The following NFS1 variants were observed in gnomAD, a reference collection of about 807,000 sequenced individuals.
NFS1 encodes the protein cysteine desulfurase.
A neutral mutation model predicts 57.3 loss-of-function variants in NFS1; 26 were observed. That is an observed-to-expected ratio of 0.45 (90% confidence interval 0.33 to 0.63). The LOEUF (loss-of-function observed/expected upper bound fraction) is 0.63, where lower values mean the gene tolerates loss of function less well. NFS1 is among the 20% of genes least tolerant of loss of function. The probability of loss-of-function intolerance (pLI) is 0.02; values close to 1 mark genes in which losing one functional copy is unlikely to be tolerated. For missense variants in NFS1, 505 were observed against 605.8 expected (o/e 0.83, Z 1.75); for synonymous variants, 209 against 216.3 (o/e 0.97, Z 0.30).
At chr20:35,672,007 G>A (rs1247491561) in intron 12 of NFS1, among the ~76,000 whole-genome samples, 1 of 152,122 alleles carries the variant, frequency 6.6e-6, no homozygotes, top group Non-Finnish European at 1.5e-5. Context: ...CACCCAGGCT[G>A]GAGTGCAGTG....
At chr20:35,673,545 G>T in intron 11 of NFS1, 56 bp downstream of exon 11, 1 of 1,442,030 alleles carries the variant, frequency 6.9e-7, no homozygotes, top group South Asian at 1.2e-5. Context: ...ACTGTAACAG[G>T]AGATGAAAAA....
At chr20:35,698,792 G>A in intron 1 of NFS1, 2 of 1,392,080 alleles carry the variant, frequency 1.4e-6, no homozygotes, top group Non-Finnish European at 1.9e-6. Flanking sequence ...AGGGTTCCTG[G>A]AGGGGGTGTT....
intron 4 of NFS1, chr20:35,692,189 A>T: frequency 4.2e-6 from 1 of 237,360 alleles, no homozygotes; most frequent in Non-Finnish European, 8.2e-6. Flanking sequence ...TCTGTCTCAA[A>T]AAATAAATAA....
chr20:35,668,899 C>T lies in NFS1; in HGVS notation c.*723G>A, dbSNP rs940869683. On this transcript the variant is annotated 3_prime_UTR_variant, in exon 13 of 13. Transcript: ENST00000374092. ...CATTTATGCAAATCAGATGGAGTGG[C>T]GGTCTTCTCCACAATTCCCAAGTAC... 2.0e-5 allele frequency: 3 copies of T among 152,164 alleles called. No individual in the cohort carries two copies. Among genetic ancestry groups the T allele is most frequent in the Non-Finnish European group, 2.9e-5 (2 of 68,030 alleles). 9.4% of individuals were successfully genotyped at this position (152,164 alleles called of 1,614,324 possible).
rs191378377 is a variant in NFS1, at chr20:35,669,782, C to A, written c.1311-97G>T. ...TGAGCAATGGCTTGCCTCCTTCTGT[C>A]CCTGTCTGTCCTCTGCCTCTTGCCC... On this transcript the variant is annotated intron_variant, in intron 12 of 12. Coordinates refer to ENST00000374092, the MANE Select transcript of NFS1 (RefSeq NM_021100.5). 1.9e-4 allele frequency: 206 copies of A among 1,103,046 alleles called. No individual in the cohort carries two copies. In the Middle Eastern group the frequency reaches 3.7e-3, roughly 20 times the overall value. The allele number at this position is 1,103,046 out of a possible 1,614,324, so 68.3% of individuals were successfully genotyped here.
chr20:35,699,041 C>T lies in NFS1; in HGVS notation c.97+151G>A, dbSNP rs918321338. On this transcript the variant is annotated intron_variant, in intron 1 of 12. Coordinates refer to ENST00000374092, the MANE Select transcript of NFS1 (RefSeq NM_021100.5). This position sits in a 1 kb window ranked among gnomAD's most constrained non-coding sequence, Gnocchi z 4.4. ...GCGCCGGGGTCAACCGTTCGGGGAC[C>T]CGCCTAAGAAAGTTTGAGGGATGTG... 3.8e-6 allele frequency: 5 copies of T among 1,319,402 alleles called. No individual in the cohort carries two copies. In the African/African-American group the frequency reaches 6.2e-5, roughly 16 times the overall value. 81.7% of individuals were successfully genotyped at this position (1,319,402 alleles called of 1,614,324 possible).
intron 12 of NFS1, among the ~76,000 whole-genome samples, chr20:35,670,370 A>G (rs929296055): frequency 6.6e-6 from 1 of 152,226 alleles, no homozygotes; most frequent in Non-Finnish European, 1.5e-5. Context: ...TCGATCCCCA[A>G]GCAGAAGCTT....
chr20:35,674,316 C>G, intron 10 of NFS1, 34 bp downstream of exon 10: 1 of 1,578,622 alleles, frequency 6.3e-7, no homozygotes, highest in Non-Finnish European at 8.7e-7. Context: ...CTAAGTGGCC[C>G]TGCCGCAGGC....
intron 12 of NFS1, 92 bp from the exon 13 acceptor site, chr20:35,669,777 T>G (rs1368475023): frequency 9.1e-7 from 1 of 1,097,020 alleles, no homozygotes; most frequent in Non-Finnish European, 1.4e-6. Context: ...CTTGCCTCCT[T>G]CTGTCCCTGT....
intron 7 of NFS1, among the ~76,000 whole-genome samples, chr20:35,679,317 G>A (rs538000029): frequency 2.0e-5 from 3 of 152,206 alleles, no homozygotes; most frequent in African/African-American, 7.2e-5. Flanking sequence ...CTGAGTAGCT[G>A]GGATTAAAGG....
At chr20:35,670,146 G>C (rs1246199660) in intron 12 of NFS1, among the ~76,000 whole-genome samples, 1 of 152,098 alleles carries the variant, frequency 6.6e-6, no homozygotes, top group East Asian at 1.9e-4. Flanking sequence ...TTTGTTTCTT[G>C]GTTTTGTTCT....
Position 35,692,391 on chromosome 20 carries a change from T to A in NFS1, c.409-1826A>T, listed in dbSNP as rs544213848. ...TCCATCTCAAAATAAATAAATAAAT[T>A]AATTAATTAAAAAAAAAAAAGGGGG... is the stretch of plus-strand genomic sequence containing the variant. On this transcript the variant is annotated intron_variant, in intron 4 of 12. Coordinates refer to ENST00000374092, the MANE Select transcript of NFS1 (RefSeq NM_021100.5). The A allele has an allele frequency of 3.2e-4, 58 of 181,810 alleles. No homozygotes were observed. The East Asian group carries it at 3.2e-3, about 10-fold the overall frequency. 11.3% of individuals were successfully genotyped at this position (181,810 alleles called of 1,614,324 possible). A position where few individuals can be genotyped will look rare whatever the true frequency, so the allele number is the denominator to read the frequency against.
intron 11 of NFS1, 78 bp downstream of exon 11, chr20:35,673,523 A>T: frequency 1.5e-6 from 2 of 1,317,140 alleles, no homozygotes; most frequent in Middle Eastern, 1.9e-4. Context: ...TTCAGGGTGG[A>T]AAAAGAAAAA....
At chr20:35,687,212 C>T (rs1336610951) in intron 5 of NFS1, among the ~76,000 whole-genome samples, 1 of 152,176 alleles carries the variant, frequency 6.6e-6, no homozygotes, top group Non-Finnish European at 1.5e-5. Context: ...TTGTGGAGGG[C>T]CTGACATCAG....
intron 4 of NFS1, among the ~76,000 whole-genome samples, chr20:35,693,692 G>A (rs115635618): frequency 9.2e-5 from 14 of 151,962 alleles, no homozygotes; most frequent in African/African-American, 2.7e-4. Context: ...GGCCGGGCGC[G>A]GTGGTTCACA....
In NFS1 at chr20:35,675,148, T is replaced by C; in HGVS notation, c.845A>G (p.Gln282Arg). The C allele has an allele frequency of 6.2e-7, 1 of 1,613,806 alleles. No individual in the cohort carries two copies. Among genetic ancestry groups the C allele is most frequent in the South Asian group, 1.1e-5 (1 of 91,080 alleles). Residue 282 changes from glutamine to arginine, a missense_variant, in exon 8 of 13, where the codon CAG becomes CGG. Coordinates refer to ENST00000374092, the MANE Select transcript of NFS1 (RefSeq NM_021100.5). ...ACCCCGCTCCTGCCCCCCTCCACTC[T>C]GCAGGGCCTCCACACGCACACGGGG... is the stretch of plus-strand genomic sequence containing the variant. ...RRPRVRVEAL[Q>R]SGGGQERGMR...
At chr20:35,682,528 C>A (rs2034865694) in intron 5 of NFS1, 1 of 153,304 alleles carries the variant, frequency 6.5e-6, no homozygotes, top group African/African-American at 2.4e-5. Context: ...ATGGCTCACG[C>A]CTGTAATCCC....
chr20:35,680,595 A>T, intron 7 of NFS1, 142 bp downstream of exon 7: 1 of 609,534 alleles, frequency 1.6e-6, no homozygotes, highest in African/African-American at 1.9e-5. Context: ...GGCTATTGCT[A>T]AATGACATTT....
intron 7 of NFS1, chr20:35,675,437 G>T: frequency 1.8e-6 from 1 of 569,724 alleles, no homozygotes; most frequent in Non-Finnish European, 3.1e-6. Flanking sequence ...GTTTAAAGTA[G>T]CTCCCTATGC....
Sources: gnomAD v4.1 joint callset for allele counts (sites outside exome capture counted in the v4.1 genomes callset) on GRCh38, gnomAD v4.1.1 for gene constraint, Gnocchi (gnomAD v3.1) non-coding constraint, MANE v1.5 for transcripts, NCBI Gene and HGNC (gene_info 2026-07-23, HGNC 2026-07-21) for gene names.